The following FLI1 variants were observed in gnomAD, a reference collection of about 807,000 sequenced individuals.
FLI1 encodes Friend leukemia integration 1 transcription factor.
A neutral mutation model predicts 53.1 loss-of-function variants in FLI1; 13 were observed. The observed-to-expected ratio is 0.24, with a 90% confidence interval of 0.16 to 0.39. The LOEUF is 0.39. FLI1 is among the 10% of genes least tolerant of loss of function. The pLI is 1.00. For missense variants in FLI1, 424 were observed against 600.5 expected, an observed-to-expected ratio of 0.71 and a Z score of 3.07; for synonymous variants, 244 against 236.7, an observed-to-expected ratio of 1.03 and a Z score of -0.28.
Position 128,811,406 on chromosome 11 carries a change from A to T in FLI1, c.*418A>T, listed in dbSNP as rs1942932515. ...TTAACCCGTCATGTTCTGGTTTGAG[A>T]TTTAGTGACAAATAGAGGTGGGAAG... On this transcript the variant is annotated 3_prime_UTR_variant, in exon 9 of 9. Transcript: ENST00000527786. The T allele has an allele frequency of 4.1e-6, 1 of 245,466 alleles. No homozygotes were observed. Among genetic ancestry groups the T allele is most frequent in the Non-Finnish European group, 7.9e-6 (1 of 126,984 alleles). The allele number at this position is 245,466 out of a possible 1,614,324, so 15.2% of individuals were successfully genotyped here.
At chr11:128,793,221 A>G (rs1331959610) in intron 5 of FLI1, among the ~76,000 whole-genome samples, 3 of 152,008 alleles carry the variant, frequency 2.0e-5, no homozygotes, top group Admixed American at 6.6e-5. Flanking sequence ...TCATGGGTCT[A>G]TCAGTTTCAT....
intron 1 of FLI1, among the ~76,000 whole-genome samples, chr11:128,757,052 CT>C (rs1398477288): frequency 6.0e-4 from 56 of 93,486 alleles, no homozygotes; most frequent in African/African-American, 2.4e-3. Context: ...TTTTTTCTTT[CT>C]TTCTTTCTTT....
chr11:128,806,936 A>C, intron 6 of FLI1: 1 of 374,084 alleles, frequency 2.7e-6, no homozygotes, highest in East Asian at 3.9e-5. Flanking sequence ...AAATGTGTTT[A>C]TTATTGTCTC....
intron 1 of FLI1, among the ~76,000 whole-genome samples, chr11:128,700,730 C>T (rs564314630): frequency 2.3e-4 from 35 of 152,130 alleles, no homozygotes; most frequent in Admixed American, 1.2e-3. Context: ...AAAAATTAGC[C>T]GGGCATGGTG....
chr11:128,738,275 A>T (rs143512348), intron 1 of FLI1, among the ~76,000 whole-genome samples: 1 of 152,066 alleles, frequency 6.6e-6, no homozygotes, highest in Non-Finnish European at 1.5e-5. Context: ...TGCTGTTTCT[A>T]CTCTACACTC....
intron 1 of FLI1, among the ~76,000 whole-genome samples, chr11:128,688,460 C>T (rs572924899): frequency 1.3e-5 from 2 of 152,342 alleles, no homozygotes; most frequent in African/African-American, 4.8e-5. Flanking sequence ...CACCGGCTCC[C>T]TCCATCGAAC....
chr11:128,797,238 T>C (rs1267567985), intron 5 of FLI1, among the ~76,000 whole-genome samples: 4 of 152,218 alleles, frequency 2.6e-5, no homozygotes, highest in Non-Finnish European at 4.4e-5. Context: ...CTTTAAAATA[T>C]GGGGTTCATC....
intron 1 of FLI1, among the ~76,000 whole-genome samples, chr11:128,757,044 TTTTCTTTCTTTCTTTCTTTCTTTCTTTC>T (rs147249846): frequency 2.3e-4 from 25 of 107,114 alleles, no homozygotes; most frequent in African/African-American, 6.1e-4. Flanking sequence ...CTAGCTAATT[TTTTCTTTCTTTCTTTCTTTCTTTCTTTC>T]TTTCTTTCTT....
At chr11:128,793,826 G>T (rs1437870873) in intron 5 of FLI1, among the ~76,000 whole-genome samples, 1 of 152,194 alleles carries the variant, frequency 6.6e-6, no homozygotes, top group Non-Finnish European at 1.5e-5. Context: ...TCCAAGTGGG[G>T]CAGGGAACTG....
At chr11:128,776,925 C>T (rs1178914300) in intron 4 of FLI1, among the ~76,000 whole-genome samples, 1 of 151,004 alleles carries the variant, frequency 6.6e-6, no homozygotes, top group Non-Finnish European at 1.5e-5. Context: ...CCACTTCCCC[C>T]ACAGCATTTT....
intron 1 of FLI1, among the ~76,000 whole-genome samples, chr11:128,744,718 T>C (rs1940300941): frequency 6.6e-6 from 1 of 152,100 alleles, no homozygotes; most frequent in Non-Finnish European, 1.5e-5. Flanking sequence ...ATTTTATGGA[T>C]AAGGGGAGAA....
At chr11:128,742,856 C>T (rs1374240103) in intron 1 of FLI1, among the ~76,000 whole-genome samples, 3 of 152,230 alleles carry the variant, frequency 2.0e-5, no homozygotes, top group African/African-American at 7.2e-5. Flanking sequence ...GCACATTTTA[C>T]AGGCCATTCA....
At chr11:128,722,406 G>A (rs567724735) in intron 1 of FLI1, among the ~76,000 whole-genome samples, 1 of 152,306 alleles carries the variant, frequency 6.6e-6, no homozygotes, top group East Asian at 1.9e-4. Flanking sequence ...TGCCAGTTTG[G>A]TGATTATGGA....
At chr11:128,738,894 T>C (rs1347534906) in intron 1 of FLI1, among the ~76,000 whole-genome samples, 2 of 152,184 alleles carry the variant, frequency 1.3e-5, no homozygotes, top group African/African-American at 2.4e-5. Flanking sequence ...TATGACAGTA[T>C]CTATGTTGGG....
At chr11:128,802,404 G>C (rs1214914946) in intron 5 of FLI1, among the ~76,000 whole-genome samples, 5 of 152,144 alleles carry the variant, frequency 3.3e-5, no homozygotes, top group African/African-American at 1.2e-4. Flanking sequence ...GCAAATACTT[G>C]GGAATAAAAA....
At position 128,755,280 on chromosome 11, in the gene FLI1, G is replaced by C. The variant is rs138209794; in HGVS notation, c.19-2835G>C. Reference sequence around the variant, plus strand: ...CATCTTCTCCCCCAACCTAGAAGAGGGAAGGGAAAGAAATTATTTTACTGG... The same window carrying C: ...CATCTTCTCCCCCAACCTAGAAGAGCGAAGGGAAAGAAATTATTTTACTGG... On this transcript the variant is annotated intron_variant, in intron 1 of 8. Coordinates refer to ENST00000527786, the MANE Select transcript of FLI1 (RefSeq NM_002017.5). 3.8e-3 allele frequency among the ~76,000 whole-genome samples: 585 copies of C among 152,254 alleles called. 4 individuals are homozygous for C. Among genetic ancestry groups the C allele is most frequent in the African/African-American group, 9.5e-3 (396 of 41,554 alleles).
chr11:128,726,369 T>A (rs1939478575), intron 1 of FLI1, among the ~76,000 whole-genome samples: 2 of 151,908 alleles, frequency 1.3e-5, no homozygotes, highest in Admixed American at 1.3e-4. Context: ...GGGCTGGGGG[T>A]GCAACCGGGA....
At chr11:128,768,992 C>T (rs1019275598) in intron 3 of FLI1, among the ~76,000 whole-genome samples, 5 of 152,248 alleles carry the variant, frequency 3.3e-5, no homozygotes, top group African/African-American at 9.6e-5. Flanking sequence ...CGGCATCTAC[C>T]AGGTTCCACC....
At chr11:128,756,897 G>T (rs750563392) in intron 1 of FLI1, among the ~76,000 whole-genome samples, 60 of 151,564 alleles carry the variant, frequency 4.0e-4, no homozygotes, top group African/African-American at 1.4e-3. Flanking sequence ...TTTAGTTGTC[G>T]TTGTTGTTGT....
Sources: allele counts gnomAD v4.1 joint callset (sites outside exome capture counted in the v4.1 genomes callset), GRCh38; gene constraint gnomAD v4.1.1; transcripts MANE v1.5; gene names NCBI Gene and HGNC (gene_info 2026-07-23, HGNC 2026-07-21).